Variants in PNO1 observed in about 807,000 individuals in gnomAD.
PNO1 encodes partner of NOB1 homolog.
A neutral mutation model predicts 28.4 loss-of-function variants in PNO1; 16 were observed. The observed-to-expected ratio is 0.56, with a 90% CI of 0.38 to 0.85. The LOEUF is 0.85. Ranked by LOEUF, PNO1 falls within the 40% of genes least tolerant of loss-of-function variation. PNO1 has a pLI of 0.00. For missense variants in PNO1, 304 were observed against 312.2 expected (o/e 0.97, Z 0.20); for synonymous variants, 115 against 110.8 (o/e 1.04, Z -0.24).
intron 5 of PNO1, among the ~76,000 whole-genome samples, chr2:68,169,063 C>T (rs566672631): frequency 0.012 from 1,845 of 151,202 alleles, 31 homozygotes; most frequent in Middle Eastern, 0.017. Flanking sequence ...TGAGTAGCTG[C>T]AACTATAGGC....
intron 5 of PNO1, among the ~76,000 whole-genome samples, chr2:68,167,509 C>T (rs879534322): frequency 4.6e-5 from 7 of 152,204 alleles, no homozygotes; most frequent in Admixed American, 3.9e-4. Flanking sequence ...TTATAGATAA[C>T]GGCAGTCCTG....
chr2:68,164,108 T>C (rs1206409706), intron 5 of PNO1, among the ~76,000 whole-genome samples: 2 of 152,226 alleles, frequency 1.3e-5, no homozygotes, highest in Non-Finnish European at 2.9e-5. Flanking sequence ...ATTATATTGT[T>C]TGATCTTTTA....
intron 5 of PNO1, among the ~76,000 whole-genome samples, chr2:68,164,279 C>G (rs902730597): frequency 2.6e-5 from 4 of 152,094 alleles, no homozygotes; most frequent in African/African-American, 9.7e-5. Flanking sequence ...GGCGTGATCT[C>G]AGGAGTCTGA....
chr2:68,170,592 A>G (rs1299853693), intron 5 of PNO1, among the ~76,000 whole-genome samples: 2 of 151,784 alleles, frequency 1.3e-5, no homozygotes, highest in Non-Finnish European at 1.5e-5. Context: ...CTAAAAATAC[A>G]AAAAAATTAG....
chr2:68,173,653 G>A (rs932882585), intron 6 of PNO1, among the ~76,000 whole-genome samples: 3 of 148,792 alleles, frequency 2.0e-5, no homozygotes, highest in Non-Finnish European at 4.4e-5. Flanking sequence ...TGCGATCTCG[G>A]CTCACTGCAA....
Position 68,174,783 on chromosome 2 carries a change from G to C in PNO1, c.740G>C (p.Arg247Thr), listed in dbSNP as rs756365268. Residue 247 changes from arginine to threonine, a missense_variant, in exon 7 of 7, where the codon AGA becomes ACA. Arg to Thr is a moderately conservative substitution (Grantham distance 71). Transcript: ENST00000263657. ...GGCAATATTCGAGCTGTGGCTAGCA[G>C]ATCAGCAGATCGATTCTGATTTCAA... The part of the protein sequence containing the change: ...VYGNIRAVAS[R>T]SADRF 2.5e-6 allele frequency: 4 copies of C among 1,607,296 alleles called. No individual in the cohort carries two copies. In the South Asian group the frequency reaches 4.4e-5, roughly 18 times the overall value.
rs749956048 is a variant in PNO1, at chr2:68,157,976, G to C, written c.42G>C (p.Glu14Asp). Reference protein sequence around the residue: ...EMETQSARAEEGFTQVTRKGG... With the variant: ...EMETQSARAEDGFTQVTRKGG... Reference sequence around the variant, plus strand: ...AAACGCAGAGCGCCAGGGCAGAGGAGGGCTTTACCCAGGTCACCCGCAAGG... The same window carrying C: ...AAACGCAGAGCGCCAGGGCAGAGGACGGCTTTACCCAGGTCACCCGCAAGG... The change falls in exon 1 of 7, where the codon GAG (glutamate) becomes GAC (aspartate). Residue 14 changes from glutamate (E) to aspartate (D), a missense_variant. Glu to Asp is a conservative substitution (Grantham distance 45). Coordinates refer to ENST00000263657, the MANE Select transcript of PNO1 (RefSeq NM_020143.4). The C allele has an allele frequency of 8.7e-6, 14 of 1,614,014 alleles. No individual in the cohort carries two copies. The highest frequency in any genetic ancestry group is 1.2e-5 in the Non-Finnish European group (14 of 1,180,028).
At chr2:68,164,184 A>C (rs1253267060) in intron 5 of PNO1, among the ~76,000 whole-genome samples, 6 of 152,168 alleles carry the variant, frequency 3.9e-5, no homozygotes, top group Non-Finnish European at 8.8e-5. Context: ...GAAATGTGCA[A>C]ATGCACACCA....
In PNO1 at chr2:68,158,502, C is replaced by A. The variant is rs1673734935; in HGVS notation, c.330C>A (p.Asn110Lys). Reference protein sequence around the residue: ...VEHLGLQIRFNLKSRNVEIRT... With the variant: ...VEHLGLQIRFKLKSRNVEIRT... ...ATTTGGGACTTCAGATACGCTTTAA[C>A]TTGAAATCAAGGAATGTAGAAATCA... The change falls in exon 2 of 7, where the codon AAC becomes AAA. Residue 110 changes from asparagine to lysine, a missense_variant. Asn to Lys is a moderately conservative substitution (Grantham distance 94). Transcript: ENST00000263657. The A allele has an allele frequency of 6.2e-7, 1 of 1,613,058 alleles. No homozygotes were observed. The highest frequency in any genetic ancestry group is 1.3e-5 in the African/African-American group (1 of 74,984).
chr2:68,161,811 C>A, intron 3 of PNO1, 45 bp downstream of exon 3: 16 of 1,208,378 alleles, frequency 1.3e-5, no homozygotes, highest in Non-Finnish European at 1.7e-5. Context: ...TAAAAATATT[C>A]AATGTGAACA....
At position 68,161,766 on chromosome 2, in the gene PNO1, G is replaced by A; in HGVS notation, c.441G>A (p.Glu147=). The A allele has an allele frequency of 6.3e-7, 1 of 1,590,604 alleles. No individual in the cohort carries two copies. Among genetic ancestry groups the A allele is most frequent in the Non-Finnish European group, 8.6e-7 (1 of 1,159,650 alleles). Reference sequence around the variant, plus strand: ...CTTTTATTCTCGGCTTTCAGGTGGAGGTGAGTAATTCCATGATATCTAAAA... The same window carrying A: ...CTTTTATTCTCGGCTTTCAGGTGGAAGTGAGTAATTCCATGATATCTAAAA... ...VKAFILGFQV[E]DALALIRLDD... is the part of the protein sequence containing the mutation. The change falls in exon 3 of 7, where the codon GAG becomes GAA. Residue 147 remains glutamate (E), a splice_region_variant and synonymous_variant. Transcript: ENST00000263657.
intron 6 of PNO1, among the ~76,000 whole-genome samples, chr2:68,174,300 T>G (rs1173414168): frequency 3.3e-5 from 5 of 151,178 alleles, no homozygotes; most frequent in South Asian, 4.2e-4. Flanking sequence ...TTTTTTTTTT[T>G]TTTTTTTTTT....
chr2:68,158,877 G>T (rs148813492), intron 2 of PNO1, among the ~76,000 whole-genome samples: 24 of 152,320 alleles, frequency 1.6e-4, no homozygotes, highest in African/African-American at 5.8e-4. Flanking sequence ...TTTACAAGAA[G>T]TATATACAGT....
intron 5 of PNO1, among the ~76,000 whole-genome samples, chr2:68,169,568 A>T (rs976025919): frequency 2.6e-5 from 4 of 152,118 alleles, no homozygotes; most frequent in African/African-American, 9.7e-5. Context: ...CACTACAGTT[A>T]ATTTTATGGA....
rs1420067924 is a variant in PNO1, at chr2:68,174,986, G to A, written c.*184G>A. On this transcript the variant is annotated 3_prime_UTR_variant, in exon 7 of 7. Coordinates refer to ENST00000263657, the MANE Select transcript of PNO1 (RefSeq NM_020143.4). Reference sequence around the variant, plus strand: ...GAGGATTCACACTCAACAGGTTTTAGGATAATTTAAATATCAAAAATTGAT... The same window carrying A: ...GAGGATTCACACTCAACAGGTTTTAAGATAATTTAAATATCAAAAATTGAT... 6.2e-6 allele frequency: 3 copies of A among 485,234 alleles called. No individual in the cohort carries two copies. Among genetic ancestry groups the A allele is most frequent in the Non-Finnish European group, 7.3e-6 (2 of 273,718 alleles). 30.1% of individuals were successfully genotyped at this position (485,234 alleles called of 1,614,324 possible).
Position 68,164,854 on chromosome 2 carries a change from G to A in PNO1, c.620+2191G>A, listed in dbSNP as rs530354959. ...ATATACAGATGCTCCTCACCGTATGGTGGGGTTACGTCCAGATAAACCTGT... is the reference window on the plus strand; with the variant it reads ...ATATACAGATGCTCCTCACCGTATGATGGGGTTACGTCCAGATAAACCTGT... On this transcript the variant is annotated intron_variant, in intron 5 of 6. Coordinates refer to ENST00000263657, the MANE Select transcript of PNO1 (RefSeq NM_020143.4). Among the ~76,000 whole-genome samples the A allele has an allele frequency of 4.6e-5, 7 of 152,280 alleles. No individual in the cohort carries two copies. The South Asian group carries it at 1.5e-3, about 32-fold the overall frequency.
chr2:68,160,497 T>C (rs566920575), intron 2 of PNO1, among the ~76,000 whole-genome samples: 2 of 152,234 alleles, frequency 1.3e-5, no homozygotes, highest in Non-Finnish European at 2.9e-5. Flanking sequence ...TTCAGTCATA[T>C]CTTCAGTGCC....
chr2:68,159,315 T>C (rs1673769714), intron 2 of PNO1, among the ~76,000 whole-genome samples: 2 of 152,084 alleles, frequency 1.3e-5, no homozygotes, highest in Non-Finnish European at 2.9e-5. Flanking sequence ...TCACCCAGGC[T>C]GGAGTGAGTG....
At chr2:68,170,514 G>A (rs1049177755) in intron 5 of PNO1, among the ~76,000 whole-genome samples, 4 of 152,136 alleles carry the variant, frequency 2.6e-5, no homozygotes, top group Middle Eastern at 3.2e-3. Flanking sequence ...TTGGGAGGCC[G>A]AGGCGGGCGG....
Sources: allele counts gnomAD v4.1 joint callset (sites outside exome capture counted in the v4.1 genomes callset), GRCh38; gene constraint gnomAD v4.1.1; transcripts MANE v1.5; gene names NCBI Gene and HGNC (gene_info 2026-07-23, HGNC 2026-07-21).